The following ZZZ3 variants were observed in gnomAD, a reference collection of about 807,000 sequenced individuals.
ZZZ3 encodes the protein ZZ-type zinc finger-containing protein 3.
ZZZ3 carries 22 observed loss-of-function variants against 95.2 expected under a neutral mutation model. That is an observed-to-expected ratio of 0.23 (90% CI 0.17 to 0.33). ZZZ3 has a LOEUF of 0.33. Among genes scored for constraint, ZZZ3 ranks in the 10% least tolerant of loss-of-function variants. The pLI is 1.00. For missense variants in ZZZ3, 885 were observed against 1,066.5 expected (o/e 0.83, Z 2.37); for synonymous variants, 335 against 358.9 (o/e 0.93, Z 0.75).
At chr1:77,663,788 G>C (rs1189477946) in intron 1 of ZZZ3, among the ~76,000 whole-genome samples, 1 of 147,960 alleles carries the variant, frequency 6.8e-6, no homozygotes, top group Non-Finnish European at 1.5e-5. Context: ...CGCTTTTGTT[G>C]CCCAGGCTGG....
intron 1 of ZZZ3, among the ~76,000 whole-genome samples, chr1:77,654,568 G>A (rs1487534920): frequency 2.6e-5 from 4 of 152,076 alleles, no homozygotes; most frequent in Non-Finnish European, 5.9e-5. Flanking sequence ...TGGCTTACAT[G>A]TACATAAGGT....
Position 77,632,931 on chromosome 1 carries a change from C to T in ZZZ3, c.424G>A (p.Glu142Lys). ...ACTGTACTCCTCTGTTCTACTGACT[C>T]CTTGTCTGATTTTATAGGAGAATCT... ...EEDSPIKSDK[E>K]SVEQRSTVVD... Residue 142 changes from glutamate (E) to lysine (K), a missense_variant, in exon 5 of 15, where the codon GAG (glutamate) becomes AAG (lysine). Glu to Lys is a moderately conservative substitution (Grantham distance 56). Coordinates refer to ENST00000370801, the MANE Select transcript of ZZZ3 (RefSeq NM_015534.6). The T allele has an allele frequency of 1.9e-6, 3 of 1,614,140 alleles. No homozygotes were observed. Among genetic ancestry groups the T allele is most frequent in the Non-Finnish European group, 1.7e-6 (2 of 1,180,024 alleles).
intron 1 of ZZZ3, among the ~76,000 whole-genome samples, chr1:77,680,981 C>CA (rs1448880913): frequency 6.6e-6 from 1 of 151,826 alleles, no homozygotes; most frequent in Non-Finnish European, 1.5e-5. Flanking sequence ...ATTATACTAC[C>CA]AAAAAAATCA....
At chr1:77,611,478 AC>A (rs1665807739) in intron 5 of ZZZ3, among the ~76,000 whole-genome samples, 2 of 152,142 alleles carry the variant, frequency 1.3e-5, no homozygotes, top group East Asian at 1.9e-4. Context: ...TATAGAAAAA[AC>A]AATCCTAAAA....
At chr1:77,677,753 T>A (rs919694191) in intron 1 of ZZZ3, among the ~76,000 whole-genome samples, 2 of 152,158 alleles carry the variant, frequency 1.3e-5, no homozygotes, top group Non-Finnish European at 2.9e-5. Context: ...AGATGCATTG[T>A]GAGAATGGGA....
intron 5 of ZZZ3, among the ~76,000 whole-genome samples, chr1:77,629,920 T>C (rs1667643172): frequency 1.3e-5 from 2 of 152,242 alleles, no homozygotes; most frequent in African/African-American, 4.8e-5. Flanking sequence ...ATGTTATGAC[T>C]GTATCTTTAG....
chr1:77,580,366 C>T (rs182082233), intron 9 of ZZZ3: 2 of 152,132 alleles, frequency 1.3e-5, no homozygotes, highest in Admixed American at 6.6e-5. Flanking sequence ...AATAAGAATG[C>T]ACTTTGAAGC....
In ZZZ3 at chr1:77,632,527, C is replaced by G; in HGVS notation, c.828G>C (p.Lys276Asn). The change falls in exon 5 of 15, where the codon AAG becomes AAC. Residue 276 changes from lysine (K) to asparagine (N), a missense_variant. By Grantham distance (94) the Lys-to-Asn change is moderately conservative. Coordinates refer to ENST00000370801, the MANE Select transcript of ZZZ3 (RefSeq NM_015534.6). Reference sequence around the variant, plus strand: ...CAGTTACTATTTTGTGGTCCTCCAACTTGACCTGCACTTGTGAATCTGTGC... The same window carrying G: ...CAGTTACTATTTTGTGGTCCTCCAAGTTGACCTGCACTTGTGAATCTGTGC... The part of the protein sequence containing the change: ...VPCTDSQVQV[K>N]LEDHKIVTAC... 1 of 1,614,188 alleles carries G rather than the reference C, an allele frequency of 6.2e-7. No homozygotes were observed. Among genetic ancestry groups the G allele is most frequent in the South Asian group, 1.1e-5 (1 of 91,084 alleles).
intron 5 of ZZZ3, among the ~76,000 whole-genome samples, chr1:77,596,683 C>T (rs994970889): frequency 6.6e-6 from 1 of 152,074 alleles, no homozygotes; most frequent in Non-Finnish European, 1.5e-5. Context: ...GTACATAGCA[C>T]TGTATTCTAG....
At chr1:77,616,688 C>T (rs1278691322) in intron 5 of ZZZ3, among the ~76,000 whole-genome samples, 1 of 152,018 alleles carries the variant, frequency 6.6e-6, no homozygotes, top group African/African-American at 2.4e-5. Context: ...TATGGTGAAA[C>T]CCCATCTCTA....
In ZZZ3 at chr1:77,568,386, C is replaced by T; in HGVS notation, c.2412G>A (p.Gln804=). The T allele has an allele frequency of 6.3e-7, 1 of 1,593,950 alleles. No homozygotes were observed. The change falls in exon 13 of 15, where the codon CAG becomes CAA. Residue 804 remains glutamine, a synonymous_variant. Coordinates refer to ENST00000370801, the MANE Select transcript of ZZZ3 (RefSeq NM_015534.6). ...TTTCAGCTTGCATTTGCTGAAGTTTCTGCTTCTTTAACTTTTTAAACTGTA... is the reference window on the plus strand; with the variant it reads ...TTTCAGCTTGCATTTGCTGAAGTTTTTGCTTCTTTAACTTTTTAAACTGTA... The part of the protein sequence containing the change: ...ELLQFKKLKK[Q]KLQQMQAESG...
intron 12 of ZZZ3, among the ~76,000 whole-genome samples, chr1:77,571,005 T>A (rs894667312): frequency 6.6e-6 from 1 of 151,852 alleles, no homozygotes; most frequent in Non-Finnish European, 1.5e-5. Context: ...ACTAAAGATG[T>A]TTGATGATTG....
At chr1:77,659,694 A>T (rs544968711) in intron 1 of ZZZ3, among the ~76,000 whole-genome samples, 69 of 151,914 alleles carry the variant, frequency 4.5e-4, no homozygotes, top group Middle Eastern at 3.4e-3. Flanking sequence ...TCAAAAAAAA[A>T]AAAAAAGAAA....
At chr1:77,617,646 T>A (rs1487069729) in intron 5 of ZZZ3, among the ~76,000 whole-genome samples, 1 of 151,788 alleles carries the variant, frequency 6.6e-6, no homozygotes, top group East Asian at 1.9e-4. Flanking sequence ...CATCTAAAAG[T>A]GGAATTGCTG....
At chr1:77,675,302 G>A (rs552748361) in intron 1 of ZZZ3, among the ~76,000 whole-genome samples, 118 of 152,058 alleles carry the variant, frequency 7.8e-4, no homozygotes, top group African/African-American at 2.7e-3. Context: ...GTGTAACAAC[G>A]GCAGGATCTA....
rs182606366 is a variant in ZZZ3 at position 77,607,192 on chromosome 1, A to G, written c.1506-22537T>C. Among the ~76,000 whole-genome samples, 200 of 152,356 alleles carry G rather than the reference A, an allele frequency of 1.3e-3. 1 individual carries two copies. The highest frequency in any genetic ancestry group is 4.5e-3 in the African/African-American group (188 of 41,582). ...TCACAATCATGGCTGAAGGCAAATG[A>G]GGAACAAAGTCACGTCTTACATGGG... On this transcript the variant is annotated intron_variant, in intron 5 of 14. Coordinates refer to ENST00000370801, the MANE Select transcript of ZZZ3 (RefSeq NM_015534.6).
intron 5 of ZZZ3, among the ~76,000 whole-genome samples, chr1:77,595,678 T>C (rs527442815): frequency 6.6e-5 from 10 of 152,112 alleles, no homozygotes; most frequent in South Asian, 2.1e-4. Context: ...TTTAAACAAT[T>C]AAATGATGAT....
At chr1:77,609,499 A>G (rs1665567057) in intron 5 of ZZZ3, among the ~76,000 whole-genome samples, 1 of 148,492 alleles carries the variant, frequency 6.7e-6, no homozygotes, top group African/African-American at 2.6e-5. Context: ...AAAAATAAAC[A>G]AAGAAACAGC....
At chr1:77,617,350 T>G (rs1480657507) in intron 5 of ZZZ3, among the ~76,000 whole-genome samples, 2 of 152,170 alleles carry the variant, frequency 1.3e-5, no homozygotes, top group Non-Finnish European at 2.9e-5. Context: ...TCTCTATAAA[T>G]TTGCCTCTTC....
Sources: gnomAD v4.1 joint callset for allele counts (sites outside exome capture counted in the v4.1 genomes callset) on GRCh38, gnomAD v4.1.1 for gene constraint, MANE v1.5 for transcripts, NCBI Gene and HGNC (gene_info 2026-07-23, HGNC 2026-07-21) for gene names.